ADAM22: variants seen among roughly 807,000 people sequenced by gnomAD.
The protein encoded by ADAM22 is ADAM metallopeptidase domain 22.
In ADAM22, 65 loss-of-function variants were observed where a neutral mutation model predicts 144.6. That is an observed-to-expected ratio of 0.45 (90% CI 0.37 to 0.55). The LOEUF (loss-of-function observed/expected upper bound fraction) is 0.55. Among genes scored for constraint, ADAM22 ranks in the 20% least tolerant of loss-of-function variants. ADAM22 has a pLI of 0.00. For synonymous variants in ADAM22, 391 were observed against 412.6 expected, an observed-to-expected ratio of 0.95 and a Z score of 0.63; for missense variants, 974 against 1,184.9, an observed-to-expected ratio of 0.82 and a Z score of 2.61.
chr7:87,996,092 C>T (rs763015665), intron 3 of ADAM22, among the ~76,000 whole-genome samples: 15 of 152,136 alleles, frequency 9.9e-5, no homozygotes, highest in South Asian at 2.1e-4. Flanking sequence ...AATAGGGACA[C>T]GGCCGTGCAC....
intron 12 of ADAM22, among the ~76,000 whole-genome samples, chr7:88,134,111 T>C (rs1832463339): frequency 6.6e-6 from 1 of 152,232 alleles, no homozygotes; most frequent in Non-Finnish European, 1.5e-5. Context: ...ATTTCCTGAC[T>C]TCTAGTATTC....
chr7:88,048,230 T>C (rs1286628565), intron 3 of ADAM22, among the ~76,000 whole-genome samples: 1 of 152,150 alleles, frequency 6.6e-6, no homozygotes, highest in East Asian at 1.9e-4. Flanking sequence ...AGTATGCCAG[T>C]GTATGATTGT....
intron 29 of ADAM22, among the ~76,000 whole-genome samples, chr7:88,185,181 T>G (rs1848006893): frequency 6.6e-6 from 1 of 152,196 alleles, no homozygotes; most frequent in Non-Finnish European, 1.5e-5. Flanking sequence ...TTGGCAATGA[T>G]TATGGCTAAA....
intron 2 of ADAM22, among the ~76,000 whole-genome samples, chr7:87,951,131 T>C (rs373078688): frequency 7.3e-5 from 11 of 151,604 alleles, no homozygotes; most frequent in South Asian, 2.1e-4. Flanking sequence ...TGTGCAGAAG[T>C]TCTTTAGTTT....
intron 3 of ADAM22, among the ~76,000 whole-genome samples, chr7:88,028,671 G>T (rs1032358038): frequency 6.6e-6 from 1 of 151,632 alleles, no homozygotes; most frequent in African/African-American, 2.4e-5. Context: ...CCAATGTTGA[G>T]TGTGTGTATA....
rs1850770562 is a variant in ADAM22 at position 88,197,151 on chromosome 7, CA to C, written c.*661del. On this transcript the variant is annotated 3_prime_UTR_variant, in exon 32 of 32. Transcript: ENST00000413139. ...AAATTTTAAAAAAATGCAGCTGTTA[CA>C]CACAAGTGTATTTTGCCAAATGCCT... The C allele has an allele frequency of 6.6e-6, 1 of 152,214 alleles. No homozygotes were observed. Among genetic ancestry groups the C allele is most frequent in the Admixed American group, 6.5e-5 (1 of 15,272 alleles). The allele number at this position is 152,214 out of a possible 1,614,324, so 9.4% of individuals were successfully genotyped here. A position where few individuals can be genotyped will look rare whatever the true frequency, so the allele number is the denominator to read the frequency against.
intron 4 of ADAM22, among the ~76,000 whole-genome samples, chr7:88,083,900 T>C (rs1475290241): frequency 3.9e-5 from 6 of 151,986 alleles, no homozygotes; most frequent in Admixed American, 3.9e-4. Flanking sequence ...GGAGCCATTT[T>C]GTTTATAGTT....
intron 17 of ADAM22, among the ~76,000 whole-genome samples, chr7:88,148,286 T>C (rs867559625): frequency 2.8e-4 from 43 of 152,100 alleles, no homozygotes; most frequent in South Asian, 4.1e-4. Flanking sequence ...GAAGGGGAAG[T>C]ACTTTAACTA....
At chr7:87,986,859 A>G (rs1257849491) in intron 3 of ADAM22, among the ~76,000 whole-genome samples, 1 of 152,216 alleles carries the variant, frequency 6.6e-6, no homozygotes, top group Non-Finnish European at 1.5e-5. Context: ...TGTAAATAAA[A>G]TAATTGCAGA....
At chr7:87,941,443 G>T (rs1842457218) in intron 2 of ADAM22, among the ~76,000 whole-genome samples, 1 of 152,150 alleles carries the variant, frequency 6.6e-6, no homozygotes, top group South Asian at 2.1e-4. Context: ...TGCTTCCGTG[G>T]CGGAAAATGG....
intron 12 of ADAM22, 134 bp from the exon 13 acceptor site, chr7:88,134,195 C>T (rs1027543356): frequency 5.0e-6 from 3 of 599,122 alleles, no homozygotes; most frequent in Admixed American, 6.7e-5. Flanking sequence ...GTGCTGGCTA[C>T]AGTGTGTTCA....
chr7:88,181,431 A>G, intron 27 of ADAM22, 74 bp from the exon 28 acceptor site: 4 of 1,212,304 alleles, frequency 3.3e-6, no homozygotes, highest in Non-Finnish European at 3.6e-6. Flanking sequence ...TAATGCTTAG[A>G]AGTTTTGCTT....
intron 27 of ADAM22, among the ~76,000 whole-genome samples, chr7:88,180,417 G>A (rs779670539): frequency 3.9e-5 from 6 of 152,018 alleles, no homozygotes; most frequent in Non-Finnish European, 7.4e-5. Flanking sequence ...CAAAATATGA[G>A]TCATTCTGTG....
intron 3 of ADAM22, among the ~76,000 whole-genome samples, chr7:88,041,545 T>C (rs1156650350): frequency 6.6e-6 from 1 of 152,018 alleles, no homozygotes; most frequent in East Asian, 1.9e-4. Flanking sequence ...GTTACCTCTT[T>C]GTAAACATTT....
At chr7:87,965,474 T>C (rs926033595) in intron 2 of ADAM22, among the ~76,000 whole-genome samples, 4 of 152,344 alleles carry the variant, frequency 2.6e-5, no homozygotes, top group African/African-American at 9.6e-5. Flanking sequence ...TTTAGAATTA[T>C]ATAGTTTCAT....
chr7:87,990,402 A>G (rs1400549688), intron 3 of ADAM22, among the ~76,000 whole-genome samples: 1 of 152,216 alleles, frequency 6.6e-6, no homozygotes, highest in Non-Finnish European at 1.5e-5. Context: ...CTTTTAAAAT[A>G]TTGAAGTCTA....
chr7:87,946,502 T>G (rs1483972964), intron 2 of ADAM22, among the ~76,000 whole-genome samples: 1 of 152,214 alleles, frequency 6.6e-6, no homozygotes, highest in Admixed American at 6.5e-5. Flanking sequence ...TCTTATAGTT[T>G]GAAGCATCTT....
intron 2 of ADAM22, among the ~76,000 whole-genome samples, chr7:87,958,996 A>G (rs1258475546): frequency 6.6e-6 from 1 of 152,030 alleles, no homozygotes; most frequent in Non-Finnish European, 1.5e-5. Context: ...ATGTTATCCT[A>G]TTTAGATCCT....
intron 21 of ADAM22, among the ~76,000 whole-genome samples, chr7:88,155,525 GAAA>G (rs797005307): frequency 1.4e-3 from 96 of 68,570 alleles, no homozygotes; most frequent in African/African-American, 4.9e-3. Flanking sequence ...CTGACTCTAA[GAAA>G]AAAAAAAAAA....
Sources: allele counts gnomAD v4.1 joint callset (sites outside exome capture counted in the v4.1 genomes callset), GRCh38; gene constraint gnomAD v4.1.1; transcripts MANE v1.5; gene names NCBI Gene and HGNC (gene_info 2026-07-23, HGNC 2026-07-21).